Variants in THSD7B observed in about 807,000 individuals in gnomAD.
THSD7B encodes thrombospondin type-1 domain-containing protein 7B.
THSD7B carries 138 observed loss-of-function variants against 213.6 expected under a neutral mutation model. The observed-to-expected ratio is 0.65, with a 90% CI of 0.56 to 0.74. The LOEUF (loss-of-function observed/expected upper bound fraction) is 0.74, where lower values mean the gene tolerates loss of function less well. Ranked by LOEUF, THSD7B falls within the 30% of genes least tolerant of loss-of-function variation. THSD7B has a pLI of 0.00. For missense variants in THSD7B, 1,931 were observed against 1,991.5 expected, an observed-to-expected ratio of 0.97 and a Z score of 0.58; for synonymous variants, 742 against 687.0, an observed-to-expected ratio of 1.08 and a Z score of -1.25.
chr2:137,196,191 TA>T (rs1320266410), intron 7 of THSD7B, among the ~76,000 whole-genome samples: 1 of 152,122 alleles, frequency 6.6e-6, no homozygotes, highest in East Asian at 1.9e-4. Flanking sequence ...AAACCATTGT[TA>T]ATGAGGCAGA....
chr2:136,957,806 T>TA (rs1365188308), intron 2 of THSD7B, among the ~76,000 whole-genome samples: 1 of 152,210 alleles, frequency 6.6e-6, no homozygotes, highest in Non-Finnish European at 1.5e-5. Context: ...GTTAACCTGA[T>TA]AATAGTTGCT....
intron 2 of THSD7B, among the ~76,000 whole-genome samples, chr2:136,989,756 A>G (rs74529033): frequency 0.012 from 1,769 of 152,302 alleles, 24 homozygotes; most frequent in South Asian, 0.023. Context: ...ATTTATTCCA[A>G]GTGCAGTGGG....
At position 137,014,181 on chromosome 2, in the gene THSD7B, G is replaced by A. The variant is rs1686290188; in HGVS notation, c.140-42239G>A. ...ATTTCCTGTTTTCCTAGTGAGAAAAGTGAAGTTCAAAGATGCCAGCAACTC... is the reference window on the plus strand; with the variant it reads ...ATTTCCTGTTTTCCTAGTGAGAAAAATGAAGTTCAAAGATGCCAGCAACTC... On this transcript the variant is annotated intron_variant, in intron 2 of 27. Coordinates refer to ENST00000409968, the MANE Select transcript of THSD7B (RefSeq NM_001316349.2). 2.0e-5 allele frequency among the ~76,000 whole-genome samples: 3 copies of A among 152,106 alleles called. No homozygotes were observed. The South Asian group carries it at 6.2e-4, about 31-fold the overall frequency.
At chr2:137,436,674 G>A (rs1687298409) in intron 14 of THSD7B, among the ~76,000 whole-genome samples, 1 of 152,098 alleles carries the variant, frequency 6.6e-6, no homozygotes, top group East Asian at 1.9e-4. Context: ...TTGTGCCACA[G>A]TATGATTACT....
intron 7 of THSD7B, among the ~76,000 whole-genome samples, chr2:137,203,237 G>A (rs1337437178): frequency 6.6e-6 from 1 of 151,788 alleles, no homozygotes; most frequent in African/African-American, 2.4e-5. Flanking sequence ...TTATTCCCTG[G>A]TCTAGGGTAT....
chr2:136,824,667 A>G (rs1188588637), intron 1 of THSD7B, among the ~76,000 whole-genome samples: 2 of 152,158 alleles, frequency 1.3e-5, no homozygotes, highest in Admixed American at 6.5e-5. Context: ...GGAAACTTTT[A>G]ATACATGGAG....
At chr2:137,002,760 C>T (rs1553463842) in intron 2 of THSD7B, among the ~76,000 whole-genome samples, 4 of 152,050 alleles carry the variant, frequency 2.6e-5, no homozygotes, top group Non-Finnish European at 5.9e-5. Flanking sequence ...CTGTTTTCCC[C>T]TTTTTTTGCC....
At chr2:137,663,111 A>C (rs1420178987) in intron 25 of THSD7B, among the ~76,000 whole-genome samples, 2 of 152,018 alleles carry the variant, frequency 1.3e-5, no homozygotes, top group Admixed American at 1.3e-4. Context: ...ATAGTTAATT[A>C]ACTTTATTCA....
intron 2 of THSD7B, among the ~76,000 whole-genome samples, chr2:137,051,588 A>G (rs1278065409): frequency 6.6e-6 from 1 of 152,214 alleles, no homozygotes; most frequent in African/African-American, 2.4e-5. Flanking sequence ...TTTAGTAATT[A>G]TTCACAAATA....
At chr2:137,300,493 A>G (rs996309613) in intron 12 of THSD7B, among the ~76,000 whole-genome samples, 4 of 152,178 alleles carry the variant, frequency 2.6e-5, no homozygotes, top group East Asian at 1.9e-4. Context: ...GCATGTGTAT[A>G]TGTGTGTGTG....
chr2:136,903,973 T>TG (rs1491285268), intron 2 of THSD7B, among the ~76,000 whole-genome samples: 1,899 of 7,402 alleles, frequency 0.26, 61 homozygotes, highest in East Asian at 0.29. Flanking sequence ...TGTGTGTGTG[T>TG]TTGTTTGTTT....
intron 17 of THSD7B, among the ~76,000 whole-genome samples, chr2:137,584,802 T>A (rs1416860050): frequency 6.6e-6 from 1 of 152,184 alleles, no homozygotes; most frequent in African/African-American, 2.4e-5. Context: ...ATTCTCTTTT[T>A]TTGTTGTGTC....
chr2:137,360,933 A>C (rs377515359), intron 12 of THSD7B, among the ~76,000 whole-genome samples: 77 of 152,276 alleles, frequency 5.1e-4, no homozygotes, highest in African/African-American at 1.9e-3. Flanking sequence ...GTGTAGCTTA[A>C]CTTGGAGACA....
chr2:137,369,165 A>T lies in THSD7B; in HGVS notation c.2501-36448A>T, dbSNP rs534501609. Among the ~76,000 whole-genome samples the T allele has an allele frequency of 6.2e-3, 933 of 150,402 alleles. 15 individuals are homozygous for T. The highest frequency in any genetic ancestry group is 0.021 in the African/African-American group (847 of 40,240). Reference sequence around the variant, plus strand: ...CGGGGGGGACCATATATATATATATATATTTTTGACAACTTTAGACACTAT... The same window carrying T: ...CGGGGGGGACCATATATATATATATTTATTTTTGACAACTTTAGACACTAT... On this transcript the variant is annotated intron_variant, in intron 12 of 27. Transcript: ENST00000409968.
intron 2 of THSD7B, among the ~76,000 whole-genome samples, chr2:136,954,669 A>T (rs1232913089): frequency 7.1e-6 from 1 of 141,024 alleles, no homozygotes; most frequent in South Asian, 2.3e-4. Context: ...GTAAGCCAAG[A>T]TGGCGCCACT....
chr2:137,457,446 G>T (rs974695980), intron 15 of THSD7B, among the ~76,000 whole-genome samples: 1 of 152,172 alleles, frequency 6.6e-6, no homozygotes, highest in African/African-American at 2.4e-5. Context: ...CTATAAAATT[G>T]TGAAGCTGGC....
At position 137,411,696 on chromosome 2, in the gene THSD7B, C is replaced by G. The variant is rs1254047650; in HGVS notation, c.2783C>G (p.Ser928Cys). 2 of 1,613,956 alleles carry G rather than the reference C, an allele frequency of 1.2e-6. No individual in the cohort carries two copies. Among genetic ancestry groups the G allele is most frequent in the Admixed American group, 1.7e-5 (1 of 60,014 alleles). The change falls in exon 14 of 28, where the codon TCC becomes TGC. Residue 928 changes from serine (S) to cysteine (C), a missense_variant. By Grantham distance (112) the Ser-to-Cys change is moderately radical (BLOSUM62 -1). Transcript: ENST00000409968. ...TELCPCDEFI[S>C]QPYGNWSDCI... The stretch of plus-strand genomic sequence containing the variant: ...CTATGTCCTTGTGATGAATTTATAT[C>G]CCAACCTTATGGAAACTGGTCAGAT...
chr2:137,668,923 G>A (rs777490363), intron 27 of THSD7B, among the ~76,000 whole-genome samples: 38 of 152,210 alleles, frequency 2.5e-4, no homozygotes, highest in Admixed American at 4.6e-4. Flanking sequence ...AGGGCTGTTT[G>A]CCTTATTGTC....
intron 10 of THSD7B, among the ~76,000 whole-genome samples, chr2:137,242,859 C>A (rs921653647): frequency 7.2e-5 from 11 of 152,096 alleles, no homozygotes; most frequent in African/African-American, 2.7e-4. Context: ...ACAGTCATTC[C>A]CATGTGATTC....
Sources: allele counts gnomAD v4.1 joint callset (sites outside exome capture counted in the v4.1 genomes callset), GRCh38; gene constraint gnomAD v4.1.1; transcripts MANE v1.5; gene names NCBI Gene and HGNC (gene_info 2026-07-23, HGNC 2026-07-21).